NAA30: variants seen among roughly 807,000 people sequenced by gnomAD.
NAA30 encodes N-alpha-acetyltransferase 30.
Under a neutral mutation model 31.4 loss-of-function variants are expected in NAA30, and 5 were observed. The ratio of observed to expected loss-of-function variants is 0.16; its 90% CI spans 0.08 to 0.33. The LOEUF (loss-of-function observed/expected upper bound fraction) is 0.33, where lower values mean the gene tolerates loss of function less well. Ranked by LOEUF, NAA30 falls within the 10% of genes least tolerant of loss-of-function variation. The pLI, the probability that NAA30 is intolerant of heterozygous loss-of-function variation, is 1.00. For synonymous variants in NAA30, 222 were observed against 207.1 expected (o/e 1.07, Z -0.62); for missense variants, 428 against 490.8 (o/e 0.87, Z 1.21).
intron 4 of NAA30, among the ~76,000 whole-genome samples, chr14:57,403,950 T>C (rs2066487891): frequency 6.6e-6 from 1 of 152,212 alleles, no homozygotes; most frequent in African/African-American, 2.4e-5. Context: ...TTTTAAGCCA[T>C]TGATATCCTT....
In NAA30 at chr14:57,390,623, G is replaced by C; in HGVS notation, c.-84G>C. 8.9e-6 allele frequency: 3 copies of C among 337,656 alleles called. No homozygotes were observed. Among genetic ancestry groups the C allele is most frequent in the Non-Finnish European group, 1.6e-5 (3 of 187,534 alleles). 20.9% of individuals were successfully genotyped at this position (337,656 alleles called of 1,614,324 possible). A position where few individuals can be genotyped will look rare whatever the true frequency, so the allele number is the denominator to read the frequency against. On this transcript the variant is annotated 5_prime_UTR_variant, in exon 1 of 5. Coordinates refer to ENST00000556492, the MANE Select transcript of NAA30 (RefSeq NM_001011713.3). ...GCTGAGTGAGAACCTTGGCGGCTGTGGAGGCTGCCGCGGCTGCGAAGGAGG... is the reference window on the plus strand; with the variant it reads ...GCTGAGTGAGAACCTTGGCGGCTGTCGAGGCTGCCGCGGCTGCGAAGGAGG...
chr14:57,400,335 A>C (rs928999842), intron 4 of NAA30, among the ~76,000 whole-genome samples: 2 of 152,228 alleles, frequency 1.3e-5, no homozygotes, highest in Admixed American at 1.3e-4. Flanking sequence ...GAGTAGAGCT[A>C]TCTGCGCATT....
rs1286426026 is a variant in NAA30 at position 57,414,515 on chromosome 14, T to A, written c.*4999T>A. On this transcript the variant is annotated 3_prime_UTR_variant, in exon 5 of 5. Transcript: ENST00000556492. ...TATAGTTGGCTCTAATAATTTCTCATTTTTGATGAATTTGAAATCATTTCA... is the reference window on the plus strand; with the variant it reads ...TATAGTTGGCTCTAATAATTTCTCAATTTTGATGAATTTGAAATCATTTCA... The A allele has an allele frequency of 2.0e-5, 3 of 152,334 alleles. No individual in the cohort carries two copies. Among genetic ancestry groups the A allele is most frequent in the Admixed American group, 6.5e-5 (1 of 15,310 alleles). 9.4% of individuals were successfully genotyped at this position (152,334 alleles called of 1,614,324 possible).
chr14:57,404,248 G>C (rs2066489419), intron 4 of NAA30, among the ~76,000 whole-genome samples: 1 of 152,128 alleles, frequency 6.6e-6, no homozygotes, highest in African/African-American at 2.4e-5. Context: ...CTTGAACCCA[G>C]GAGGTGGAGG....
intron 2 of NAA30, among the ~76,000 whole-genome samples, chr14:57,395,812 A>C (rs2066447897): frequency 6.6e-6 from 1 of 152,208 alleles, no homozygotes; most frequent in South Asian, 2.1e-4. Flanking sequence ...TGCTACACTT[A>C]CATATATTAA....
At chr14:57,402,268 G>A (rs927441370) in intron 4 of NAA30, among the ~76,000 whole-genome samples, 1 of 152,124 alleles carries the variant, frequency 6.6e-6, no homozygotes, top group Admixed American at 6.5e-5. Context: ...TCACTTTTCT[G>A]TTATTTTTGC....
chr14:57,393,572 T>G (rs1270936738), intron 2 of NAA30, among the ~76,000 whole-genome samples: 1 of 152,208 alleles, frequency 6.6e-6, no homozygotes, highest in Non-Finnish European at 1.5e-5. Flanking sequence ...AAATGTCTGT[T>G]TATTTTAAAT....
intron 2 of NAA30, among the ~76,000 whole-genome samples, chr14:57,394,236 T>TA (rs2066441747): frequency 6.6e-6 from 1 of 152,166 alleles, no homozygotes; most frequent in Non-Finnish European, 1.5e-5. Context: ...TTCTTAAACT[T>TA]ACTCTCAGCA....
At chr14:57,406,876 G>T (rs1464911295) in intron 4 of NAA30, among the ~76,000 whole-genome samples, 3 of 152,068 alleles carry the variant, frequency 2.0e-5, no homozygotes, top group Non-Finnish European at 2.9e-5. Context: ...AATTATGTCT[G>T]TGTGTGTATG....
intron 4 of NAA30, 32 bp from the exon 5 acceptor site, chr14:57,409,347 T>A: frequency 1.3e-6 from 2 of 1,538,256 alleles, no homozygotes; most frequent in Non-Finnish European, 1.8e-6. Flanking sequence ...ATTGTGTAAT[T>A]ATAACTTAGT....
chr14:57,393,626 C>T (rs1041801002), intron 2 of NAA30, among the ~76,000 whole-genome samples: 4 of 151,944 alleles, frequency 2.6e-5, no homozygotes, highest in African/African-American at 9.7e-5. Context: ...ATAATCTAGC[C>T]CAACTTAGGT....
At chr14:57,402,002 T>A (rs1328588801) in intron 4 of NAA30, among the ~76,000 whole-genome samples, 2 of 152,238 alleles carry the variant, frequency 1.3e-5, no homozygotes, top group East Asian at 3.8e-4. Flanking sequence ...TCCTTTTGTA[T>A]GATTATGGTT....
At chr14:57,394,629 A>G (rs921777820) in intron 2 of NAA30, among the ~76,000 whole-genome samples, 6 of 152,140 alleles carry the variant, frequency 3.9e-5, no homozygotes, top group African/African-American at 1.4e-4. Flanking sequence ...GGCTTTTTAG[A>G]TGATGTATAC....
At chr14:57,404,318 T>TCACACA (rs377631674) in intron 4 of NAA30, among the ~76,000 whole-genome samples, 1 of 151,124 alleles carries the variant, frequency 6.6e-6, no homozygotes, top group Non-Finnish European at 1.5e-5. Context: ...CAAGACTCCA[T>TCACACA]CACACACACA....
intron 3 of NAA30, among the ~76,000 whole-genome samples, chr14:57,399,081 T>G (rs1023990101): frequency 1.3e-5 from 2 of 152,240 alleles, no homozygotes; most frequent in Admixed American, 6.5e-5. Flanking sequence ...CAGGCTGGTC[T>G]TGAACTCTTG....
Position 57,414,815 on chromosome 14 carries a change from A to G in NAA30, c.*5299A>G, listed in dbSNP as rs938495282. 6.6e-6 allele frequency: 1 copy of G among 152,218 alleles called. No individual in the cohort carries two copies. 9.4% of individuals were successfully genotyped at this position (152,218 alleles called of 1,614,324 possible). A position where few individuals can be genotyped will look rare whatever the true frequency, so the allele number is the denominator to read the frequency against. On this transcript the variant is annotated 3_prime_UTR_variant, in exon 5 of 5. Coordinates refer to ENST00000556492, the MANE Select transcript of NAA30 (RefSeq NM_001011713.3). ...GCCAGGCTTGGTACAACCTGTTAAC[A>G]CTGTTGAGGAAAGAGCTCAAAACAT...
intron 4 of NAA30, among the ~76,000 whole-genome samples, chr14:57,401,910 C>A (rs2066479253): frequency 6.6e-6 from 1 of 152,150 alleles, no homozygotes; most frequent in Non-Finnish European, 1.5e-5. Flanking sequence ...AAAGCTAATG[C>A]TGATTCATTC....
intron 2 of NAA30, 104 bp from the exon 3 acceptor site, chr14:57,396,648 C>A: frequency 8.4e-7 from 1 of 1,184,134 alleles, no homozygotes; most frequent in Non-Finnish European, 1.2e-6. Context: ...CCATTATCTT[C>A]CCCCGTCGAA....
chr14:57,397,855 G>A (rs1234850585), intron 3 of NAA30, among the ~76,000 whole-genome samples: 3 of 152,180 alleles, frequency 2.0e-5, no homozygotes, highest in Non-Finnish European at 4.4e-5. Context: ...AACCTGGGAG[G>A]TGGAGGTTGC....
Sources: gnomAD v4.1 joint callset for allele counts (sites outside exome capture counted in the v4.1 genomes callset) on GRCh38, gnomAD v4.1.1 for gene constraint, MANE v1.5 for transcripts, NCBI Gene and HGNC (gene_info 2026-07-23, HGNC 2026-07-21) for gene names.